The following ERBB4 variants were observed in gnomAD, a reference collection of about 807,000 sequenced individuals.
ERBB4 encodes the protein erb-b2 receptor tyrosine kinase 4, also known as receptor tyrosine-protein kinase erbB-4.
A neutral mutation model predicts 158.0 loss-of-function variants in ERBB4; 42 were observed. The observed-to-expected ratio is 0.27, with a 90% CI of 0.21 to 0.34. The LOEUF (loss-of-function observed/expected upper bound fraction) is 0.34. Among genes scored for constraint, ERBB4 ranks in the 10% least tolerant of loss-of-function variants. The pLI is 1.00. For synonymous variants in ERBB4, 583 were observed against 558.7 expected, an observed-to-expected ratio of 1.04 and a Z score of -0.61; for missense variants, 1,333 against 1,624.1, an observed-to-expected ratio of 0.82 and a Z score of 3.08.
chr2:211,797,833 A>T (rs1394720779), intron 3 of ERBB4, among the ~76,000 whole-genome samples: 2 of 152,040 alleles, frequency 1.3e-5, no homozygotes, highest in Non-Finnish European at 2.9e-5. Flanking sequence ...ATTTTCTTTT[A>T]AAATGAAGTT....
chr2:212,133,620 G>A (rs775800719), intron 1 of ERBB4, among the ~76,000 whole-genome samples: 13 of 150,040 alleles, frequency 8.7e-5, no homozygotes, highest in South Asian at 2.1e-4. Flanking sequence ...TAAATATATG[G>A]ACTTCAGAGT....
chr2:212,431,020 T>C (rs1352906471), intron 1 of ERBB4, among the ~76,000 whole-genome samples: 1 of 152,052 alleles, frequency 6.6e-6, no homozygotes, highest in Admixed American at 6.6e-5. Flanking sequence ...AAACATAGAC[T>C]TACTCCTGTA....
intron 20 of ERBB4, among the ~76,000 whole-genome samples, chr2:211,484,713 A>C (rs935906090): frequency 1.3e-5 from 2 of 152,192 alleles, no homozygotes; most frequent in African/African-American, 2.4e-5. Context: ...TATTTAAACC[A>C]AGAGTGAAAA....
At chr2:212,238,225 C>A (rs1039418266) in intron 1 of ERBB4, among the ~76,000 whole-genome samples, 2 of 152,184 alleles carry the variant, frequency 1.3e-5, no homozygotes, top group Non-Finnish European at 2.9e-5. Context: ...CCAAGGGAAT[C>A]TCCTGTTGTT....
chr2:211,704,237 CTTAGTA>C, intron 10 of ERBB4, 43 bp from the exon 11 acceptor site: 1 of 1,249,102 alleles, frequency 8.0e-7, no homozygotes, highest in Non-Finnish European at 1.2e-6. Flanking sequence ...ATATCATTGT[CTTAGTA>C]TTAGTGCTGA....
At chr2:212,042,077 C>A (rs527708500) in intron 2 of ERBB4, among the ~76,000 whole-genome samples, 5 of 152,078 alleles carry the variant, frequency 3.3e-5, no homozygotes, top group African/African-American at 1.2e-4. Flanking sequence ...TGGTTCTCCC[C>A]CTACCCCACC....
chr2:212,058,337 T>G (rs984214814), intron 2 of ERBB4, among the ~76,000 whole-genome samples: 7 of 152,124 alleles, frequency 4.6e-5, no homozygotes, highest in Non-Finnish European at 2.9e-5. Flanking sequence ...CCAGACAGAT[T>G]CACAGCTGAA....
intron 2 of ERBB4, among the ~76,000 whole-genome samples, chr2:212,101,218 C>G (rs750772089): frequency 3.3e-5 from 5 of 151,648 alleles, no homozygotes; most frequent in Non-Finnish European, 5.9e-5. Flanking sequence ...AAAGAACATT[C>G]CAGTGTGTAG....
intron 3 of ERBB4, among the ~76,000 whole-genome samples, chr2:211,936,136 A>G (rs1356827019): frequency 6.6e-6 from 1 of 152,120 alleles, no homozygotes; most frequent in Non-Finnish European, 1.5e-5. Context: ...TCAACATTAA[A>G]GCAGAAAGTT....
At chr2:211,544,630 CA>C (rs1416199713) in intron 20 of ERBB4, among the ~76,000 whole-genome samples, 1 of 151,898 alleles carries the variant, frequency 6.6e-6, no homozygotes, top group African/African-American at 2.4e-5. Context: ...ATAATGATAG[CA>C]AAACGTTATT....
chr2:211,894,410 G>A (rs1318485308), intron 3 of ERBB4, among the ~76,000 whole-genome samples: 1 of 131,456 alleles, frequency 7.6e-6, no homozygotes, highest in Non-Finnish European at 1.6e-5. Context: ...GGGGACTGTG[G>A]TGGGGTGGGG....
At chr2:212,104,100 A>G (rs958179760) in intron 2 of ERBB4, among the ~76,000 whole-genome samples, 2 of 152,004 alleles carry the variant, frequency 1.3e-5, no homozygotes, top group Non-Finnish European at 2.9e-5. Context: ...CCTCAAACAG[A>G]TTTGTGGATT....
chr2:211,814,386 T>C (rs977147735), intron 3 of ERBB4, among the ~76,000 whole-genome samples: 4 of 152,222 alleles, frequency 2.6e-5, no homozygotes, highest in African/African-American at 9.6e-5. Context: ...GCATGTAATA[T>C]ATGACTTAGA....
chr2:212,296,243 C>G (rs1157156149), intron 1 of ERBB4, among the ~76,000 whole-genome samples: 3 of 151,874 alleles, frequency 2.0e-5, no homozygotes, highest in Non-Finnish European at 2.9e-5. Context: ...GAGGGCCAGA[C>G]AGATATTGTA....
At chr2:212,089,485 G>T (rs2078710537) in intron 2 of ERBB4, among the ~76,000 whole-genome samples, 1 of 152,182 alleles carries the variant, frequency 6.6e-6, no homozygotes, top group Non-Finnish European at 1.5e-5. Context: ...GGAGGTAACT[G>T]GGTCATGGGG....
chr2:212,454,925 C>T (rs1469300789), intron 1 of ERBB4, among the ~76,000 whole-genome samples: 1 of 151,966 alleles, frequency 6.6e-6, no homozygotes, highest in Admixed American at 6.6e-5. Flanking sequence ...TGACCGCCAC[C>T]TCACTTCATT....
At chr2:212,463,447 A>G (rs1281822749) in intron 1 of ERBB4, among the ~76,000 whole-genome samples, 4 of 152,208 alleles carry the variant, frequency 2.6e-5, no homozygotes, top group African/African-American at 9.6e-5. Flanking sequence ...ATATCTATCT[A>G]CCATCTCTAT....
At position 211,587,934 on chromosome 2, in the gene ERBB4, T is replaced by C. The variant is rs113523611; in HGVS notation, c.2302-25846A>G. Among the ~76,000 whole-genome samples the C allele has an allele frequency of 9.8e-3, 1,497 of 152,286 alleles. 24 individuals are homozygous for C. The highest frequency in any genetic ancestry group is 0.033 in the African/African-American group (1,368 of 41,572). On this transcript the variant is annotated intron_variant, in intron 19 of 27. Coordinates refer to ENST00000342788, the MANE Select transcript of ERBB4 (RefSeq NM_005235.3). ...TTCTTAATTGCGGCATTGTTTGTAATAACAAAAGTTTAGAAAACACCCAAA... is the reference window on the plus strand; with the variant it reads ...TTCTTAATTGCGGCATTGTTTGTAACAACAAAAGTTTAGAAAACACCCAAA...
chr2:212,005,265 G>T (rs747262129), intron 2 of ERBB4, among the ~76,000 whole-genome samples: 5 of 152,064 alleles, frequency 3.3e-5, no homozygotes, highest in African/African-American at 1.2e-4. Flanking sequence ...AAATTTTGCC[G>T]CCCGGACCTC....
Sources: gnomAD v4.1 joint callset for allele counts (sites outside exome capture counted in the v4.1 genomes callset) on GRCh38, gnomAD v4.1.1 for gene constraint, MANE v1.5 for transcripts, NCBI Gene and HGNC (gene_info 2026-07-23, HGNC 2026-07-21) for gene names.